PRELID2: variants seen among roughly 807,000 people sequenced by gnomAD.
PRELID2 encodes PRELI domain-containing protein 2.
In PRELID2, 25 loss-of-function variants were observed where a neutral mutation model predicts 28.4. The observed-to-expected ratio is 0.88, with a 90% CI of 0.64 to 1.23. The LOEUF is 1.23. Ranked by LOEUF, PRELID2 falls within the 50% of genes most tolerant of loss-of-function variation. The pLI is 0.00. For synonymous variants in PRELID2, 76 were observed against 71.6 expected (o/e 1.06, Z -0.31); for missense variants, 201 against 214.4 (o/e 0.94, Z 0.39).
At chr5:145,241,045 A>G in the PRELID2 span, among the ~76,000 whole-genome samples, 243 of 152,122 alleles carry the variant, frequency 1.6e-3, 1 homozygote, top group African/African-American at 5.7e-3. Flanking sequence ...TAATTAAAGT[A>G]TCAATCTCTT....
chr5:145,780,537 G>A (rs1418439490), intron 5 of PRELID2, among the ~76,000 whole-genome samples: 1 of 152,078 alleles, frequency 6.6e-6, no homozygotes, highest in Non-Finnish European at 1.5e-5. Flanking sequence ...AACATAAATG[G>A]CTCTACTGGA....
intron 1 of PRELID2, among the ~76,000 whole-genome samples, chr5:145,526,193 C>T (rs1253338488): frequency 6.6e-6 from 1 of 152,168 alleles, no homozygotes; most frequent in East Asian, 1.9e-4. Context: ...CTTATTATTA[C>T]AAACGTAGAA....
intron 1 of PRELID2, among the ~76,000 whole-genome samples, chr5:145,530,875 C>A (rs1752649388): frequency 6.6e-6 from 1 of 151,932 alleles, no homozygotes; most frequent in Non-Finnish European, 1.5e-5. Context: ...TGTAAGTAGG[C>A]CGCTAATACT....
intron 6 of PRELID2, 103 bp downstream of exon 6, chr5:145,764,828 T>A: frequency 1.3e-6 from 1 of 762,114 alleles, no homozygotes; most frequent in African/African-American, 1.7e-5. Flanking sequence ...AACTGGGAAA[T>A]GTGCAGCGTG....
At chr5:145,495,734 T>C (rs1332144299) in intron 1 of PRELID2, among the ~76,000 whole-genome samples, 8 of 152,236 alleles carry the variant, frequency 5.3e-5, no homozygotes, top group Non-Finnish European at 1.2e-4. Context: ...AGCATTTAGC[T>C]TAATGCATTA....
the PRELID2 span, among the ~76,000 whole-genome samples, chr5:145,259,429 T>G: frequency 3.3e-5 from 5 of 152,144 alleles, no homozygotes; most frequent in Admixed American, 2.0e-4. Context: ...TACAAAGCCA[T>G]AGGGGCAGAG....
downstream of PRELID2, among the ~76,000 whole-genome samples, chr5:145,753,952 G>C (rs1757192450): frequency 6.6e-6 from 1 of 152,040 alleles, no homozygotes; most frequent in African/African-American, 2.4e-5. Context: ...TCCAAGGCTT[G>C]TGTTGAGGTT....
chr5:145,256,598 C>T, the PRELID2 span, among the ~76,000 whole-genome samples: 10 of 151,950 alleles, frequency 6.6e-5, no homozygotes, highest in Admixed American at 2.0e-4. Context: ...GGACATTATT[C>T]TGCCTACCAC....
intron 1 of PRELID2, among the ~76,000 whole-genome samples, chr5:145,483,018 C>T (rs183480333): frequency 8.5e-5 from 13 of 152,110 alleles, no homozygotes; most frequent in African/African-American, 2.7e-4. Flanking sequence ...GTGTGGCCTG[C>T]GGGTTGAGGA....
intron 1 of PRELID2, among the ~76,000 whole-genome samples, chr5:145,555,491 T>C (rs1022634277): frequency 1.3e-5 from 2 of 152,222 alleles, no homozygotes; most frequent in Non-Finnish European, 2.9e-5. Context: ...GTAGTTTTAC[T>C]ACAGTTGAGT....
At chr5:145,407,483 C>A in the PRELID2 span, among the ~76,000 whole-genome samples, 1 of 152,112 alleles carries the variant, frequency 6.6e-6, no homozygotes, top group African/African-American at 2.4e-5. Context: ...TGAGCTCAGA[C>A]ATGCCTAACC....
intron 1 of PRELID2, among the ~76,000 whole-genome samples, chr5:145,629,007 C>T (rs79954121): frequency 0.013 from 2,031 of 152,276 alleles, 42 homozygotes; most frequent in African/African-American, 0.047. Context: ...TTTGCTTCGC[C>T]TGAGCTGGCT....
At chr5:145,244,214 C>T in the PRELID2 span, among the ~76,000 whole-genome samples, 2 of 152,108 alleles carry the variant, frequency 1.3e-5, no homozygotes, top group Admixed American at 1.3e-4. Context: ...CTTAGCCTCC[C>T]AAAGTGCTGG....
chr5:145,508,039 C>T (rs1752426823), intron 1 of PRELID2, among the ~76,000 whole-genome samples: 1 of 152,036 alleles, frequency 6.6e-6, no homozygotes, highest in South Asian at 2.1e-4. Context: ...TAGTATTGTC[C>T]TCCCATGTTC....
chr5:145,643,196 C>G (rs900759907), intron 1 of PRELID2, among the ~76,000 whole-genome samples: 1 of 152,108 alleles, frequency 6.6e-6, no homozygotes, highest in African/African-American at 2.4e-5. Context: ...TTTCCTTGAG[C>G]AGTAGTTTGT....
Position 145,757,816 on chromosome 5 carries a change from G to GA in PRELID2, c.*2719dup, listed in dbSNP as rs199568370. 0.05 allele frequency among the ~76,000 whole-genome samples: 2,733 copies of GA among 55,082 alleles called. 68 individuals carry two copies. Among genetic ancestry groups the GA allele is most frequent in the African/African-American group, 0.13 (2,229 of 17,038 alleles). 36.1% of individuals were successfully genotyped at this position (55,082 alleles called of 152,430 possible). ...GACCCTATCTCAAAAAAAAGTAAATGAAAAAAAAAAAAAAAAAGACCATAA... is the reference window on the plus strand; with the variant it reads ...GACCCTATCTCAAAAAAAAGTAAATGAAAAAAAAAAAAAAAAAAGACCATAA... On this transcript the variant is annotated 3_prime_UTR_variant, in exon 7 of 7. Transcript: ENST00000683046.
rs73304004 is a variant in PRELID2 at position 145,728,445 on chromosome 5, C to T, written n.70+36486G>A. 695 of 588,634 alleles carry T rather than the reference C, an allele frequency of 1.2e-3. 4 individuals are homozygous for T. The highest frequency in any genetic ancestry group is 6.8e-3 in the African/African-American group (369 of 54,280). The allele number at this position is 588,634 out of a possible 1,614,324, so 36.5% of individuals were successfully genotyped here. The stretch of plus-strand genomic sequence containing the variant: ...TCAGCAAGAGACAAAACAGGGACCC[C>T]GGATCTGGAACCAGATTGAAGGGAA... On this transcript the variant is annotated intron_variant and non_coding_transcript_variant, in intron 1 of 2. Coordinates refer to the PRELID2 transcript ENST00000510259.
At chr5:145,473,986 CTTAG>C (rs548630686) in intron 1 of PRELID2, among the ~76,000 whole-genome samples, 5 of 152,174 alleles carry the variant, frequency 3.3e-5, no homozygotes, top group Non-Finnish European at 7.3e-5. Context: ...TGGAAGCCGC[CTTAG>C]TTAGTAACAG....
At chr5:145,312,225 G>A in the PRELID2 span, among the ~76,000 whole-genome samples, 1 of 151,724 alleles carries the variant, frequency 6.6e-6, no homozygotes, top group Non-Finnish European at 1.5e-5. Context: ...ATGGTGGCAT[G>A]TGCCTGTAGT....
Sources: allele counts gnomAD v4.1 joint callset (sites outside exome capture counted in the v4.1 genomes callset), GRCh38; gene constraint gnomAD v4.1.1; transcripts MANE v1.5; gene names NCBI Gene and HGNC (gene_info 2026-07-23, HGNC 2026-07-21).